The following TJAP1 variants were observed in gnomAD, a reference collection of about 807,000 sequenced individuals.
TJAP1 encodes the protein tight junction-associated protein 1.
A neutral mutation model predicts 42.0 loss-of-function variants in TJAP1; 27 were observed. The observed-to-expected ratio is 0.64, with a 90% CI of 0.47 to 0.89. The LOEUF is 0.89. Among genes scored for constraint, TJAP1 ranks in the 40% least tolerant of loss-of-function variants. The pLI is 0.00. For missense variants in TJAP1, 712 were observed against 726.9 expected (o/e 0.98, Z 0.24); for synonymous variants, 257 against 288.4 (o/e 0.89, Z 1.10).
rs1018637351 is a variant in TJAP1 at position 43,492,120 on chromosome 6, C to A, written c.-121-5761C>A. Among the ~76,000 whole-genome samples the A allele has an allele frequency of 6.6e-6, 1 of 152,156 alleles. No individual in the cohort carries two copies. The highest frequency in any genetic ancestry group is 1.9e-4 in the East Asian group (1 of 5,196). ...CCCCTTGTTCCTGTGAAGTGTTTGT[C>A]TGGATGTGAGGCCAGGTGGATAGAC... is the stretch of plus-strand genomic sequence containing the variant. On this transcript the variant is annotated intron_variant, in intron 2 of 10. Coordinates refer to ENST00000372449, the Ensembl canonical transcript of TJAP1. This position sits in a 1 kb window ranked among gnomAD's most constrained non-coding sequence, Gnocchi z 4.2.
At chr6:43,498,778 C>T in intron 3 of TJAP1, 200 bp from the exon 4 acceptor site, 1 of 497,974 alleles carries the variant, frequency 2.0e-6, no homozygotes, top group Non-Finnish European at 3.6e-6. Context: ...TGGACCCATG[C>T]CCCACCCTCC....
intron 2 of TJAP1, among the ~76,000 whole-genome samples, chr6:43,480,063 C>T (rs1159853642): frequency 6.6e-6 from 1 of 152,134 alleles, no homozygotes; most frequent in Non-Finnish European, 1.5e-5. Flanking sequence ...CTTTGTATGC[C>T]TCAGTTTTCT....
Position 43,495,451 on chromosome 6 carries a change from AC to A in TJAP1, c.-121-2427del, listed in dbSNP as rs779208402. 6.6e-6 allele frequency among the ~76,000 whole-genome samples: 1 copy of A among 152,064 alleles called. No homozygotes were observed. The highest frequency in any genetic ancestry group is 1.5e-5 in the Non-Finnish European group (1 of 67,984). On this transcript the variant is annotated intron_variant, in intron 2 of 10. Transcript: ENST00000372449. The surrounding 1 kb of genome is among the most constrained non-coding windows in gnomAD (Gnocchi z 4.6). ...GAGCTAGGGCCTGGGTGTTGGGCAC[AC>A]CCTGTGTTTATGGACACAGGGCAGG...
At chr6:43,487,853 C>G (rs956121079) in intron 2 of TJAP1, among the ~76,000 whole-genome samples, 1 of 151,474 alleles carries the variant, frequency 6.6e-6, no homozygotes, top group Non-Finnish European at 1.5e-5. Flanking sequence ...CGCCATTTAT[C>G]TTGTACCCTT....
At chr6:43,503,727 C>G in intron 10 of TJAP1, 21 bp downstream of exon 10, 1 of 1,608,902 alleles carries the variant, frequency 6.2e-7, no homozygotes, top group Non-Finnish European at 8.5e-7. Context: ...CTCACCCCCT[C>G]CCTGCCCACA....
chr6:43,478,877 G>A (rs898811328), intron 2 of TJAP1, among the ~76,000 whole-genome samples: 4 of 152,154 alleles, frequency 2.6e-5, no homozygotes, highest in Non-Finnish European at 5.9e-5. Context: ...GTTTAGCACC[G>A]CACTGCCTAT....
intron 1 of TJAP1, among the ~76,000 whole-genome samples, 192 bp from the exon 2 acceptor site, chr6:43,477,895 A>C (rs1325131533): frequency 6.6e-6 from 1 of 152,138 alleles, no homozygotes; most frequent in Non-Finnish European, 1.5e-5. Flanking sequence ...GCAGAGTCAC[A>C]AGTTGGAGGA....
intron 10 of TJAP1, chr6:43,504,083 G>T (rs2127652693): frequency 7.6e-6 from 3 of 393,424 alleles, no homozygotes; most frequent in Non-Finnish European, 4.9e-6. Context: ...AGGTTTATGT[G>T]GCCTGCAGAA....
chr6:43,486,150 A>G (rs559501086), intron 2 of TJAP1, among the ~76,000 whole-genome samples: 1 of 151,464 alleles, frequency 6.6e-6, no homozygotes, highest in Non-Finnish European at 1.5e-5. Flanking sequence ...TTTTTAGTAG[A>G]GACGGGGTTT....
chr6:43,502,226 A>G (rs1401138615), intron 6 of TJAP1, 57 bp from the exon 7 acceptor site: 26 of 1,589,108 alleles, frequency 1.6e-5, no homozygotes, highest in South Asian at 2.2e-5. Flanking sequence ...GAGGCTGAAC[A>G]GAGCCTGAAG....
chr6:43,501,953 T>TCTCC (rs1361551914), intron 6 of TJAP1, among the ~76,000 whole-genome samples: 5 of 141,674 alleles, frequency 3.5e-5, no homozygotes, highest in Admixed American at 6.9e-5. Flanking sequence ...TCTCTCTCTC[T>TCTCC]CTCCTTTCAT....
chr6:43,483,245 C>T (rs576425005), intron 2 of TJAP1, among the ~76,000 whole-genome samples: 2 of 152,328 alleles, frequency 1.3e-5, no homozygotes, highest in East Asian at 3.9e-4. Flanking sequence ...AGACCCAGAC[C>T]ATTAGCCTGA....
chr6:43,500,708 C>G, intron 4 of TJAP1, 36 bp from the exon 5 acceptor site: 6 of 1,614,024 alleles, frequency 3.7e-6, no homozygotes, highest in Non-Finnish European at 5.1e-6. Flanking sequence ...GTCCAGTGGT[C>G]CAGAGCTGAG....
At chr6:43,477,954 C>G (rs917892896) in intron 1 of TJAP1, 133 bp from the exon 2 acceptor site, 2 of 152,466 alleles carry the variant, frequency 1.3e-5, no homozygotes, top group African/African-American at 4.8e-5. Context: ...GATAGAGGCC[C>G]GACTGTATCT....
intron 2 of TJAP1, among the ~76,000 whole-genome samples, chr6:43,487,870 GTT>G (rs549444658): frequency 3.6e-5 from 5 of 138,302 alleles, no homozygotes; most frequent in Non-Finnish European, 6.3e-5. Flanking sequence ...CCTTCTAGTA[GTT>G]TTTTTTTTTT....
chr6:43,501,135 G>T, intron 5 of TJAP1: 2 of 378,774 alleles, frequency 5.3e-6, no homozygotes, highest in Non-Finnish European at 9.5e-6. Flanking sequence ...GGATTTCCAA[G>T]AGATGAATAA....
rs1316669464 is a variant in TJAP1, at chr6:43,501,750, ACACACACACT to A, written c.290+65_290+74del. The A allele has an allele frequency of 5.2e-4, 333 of 636,010 alleles. 2 individuals are homozygous for A. The highest frequency in any genetic ancestry group is 3.6e-3 in the African/African-American group (157 of 44,126). 39.4% of individuals were successfully genotyped at this position (636,010 alleles called of 1,614,324 possible). Reference sequence around the variant, plus strand: ...CACACACACACACACACACACACACACACACACACTCTCTCTGTCTCTCTCTCTCTCTGTG... The same window carrying A: ...CACACACACACACACACACACACACACTCTCTGTCTCTCTCTCTCTCTGTG... On this transcript the variant is annotated intron_variant, in intron 6 of 10. Transcript: ENST00000372449.
At chr6:43,503,687 G>A (rs1416928654) in exon 10 of TJAP1, 5 of 1,613,948 alleles carry the variant, frequency 3.1e-6, no homozygotes, top group Non-Finnish European at 4.2e-6. Context: ...TCCCACTTCC[G>A]AAACCACAAG....
At chr6:43,482,077 C>T (rs1785450017) in intron 2 of TJAP1, among the ~76,000 whole-genome samples, 1 of 152,168 alleles carries the variant, frequency 6.6e-6, no homozygotes, top group Admixed American at 6.5e-5. Flanking sequence ...ACTTCATGAA[C>T]TTGGGAGCCA....
Sources: gnomAD v4.1 joint callset for allele counts (sites outside exome capture counted in the v4.1 genomes callset) on GRCh38, gnomAD v4.1.1 for gene constraint, Gnocchi (gnomAD v3.1) non-coding constraint, MANE v1.5 for transcripts, NCBI Gene and HGNC (gene_info 2026-07-23, HGNC 2026-07-21) for gene names.